The following DNAH6 variants were observed in gnomAD, a reference collection of about 807,000 sequenced individuals.
The protein encoded by DNAH6 is axonemal beta dynein heavy chain 6.
DNAH6 carries 340 observed loss-of-function variants against 491.4 expected under a neutral mutation model. That is an observed-to-expected ratio of 0.69 (90% CI 0.63 to 0.76). DNAH6 has a LOEUF of 0.76. DNAH6 is among the 30% of genes least tolerant of loss of function. DNAH6 has a pLI of 0.00. For missense variants in DNAH6, 4,443 were observed against 4,972.2 expected, an observed-to-expected ratio of 0.89 and a Z score of 3.20; for synonymous variants, 1,603 against 1,686.1, an observed-to-expected ratio of 0.95 and a Z score of 1.21.
Position 84,808,479 on chromosome 2 carries a change from C to T in DNAH6, c.11676C>T (p.Asn3892=), listed in dbSNP as rs2105326817. ...TCAAGGATCTTCAAGGACGTCTGAA[C>T]TCCTTGACCACCGTTCTTGGACAGG... ...LFVKDLQGRL[N]SLTTVLGQEV... Residue 3892 remains asparagine (N), a synonymous_variant, in exon 72 of 77, where the codon AAC becomes AAT. Transcript: ENST00000389394. 1 of 1,550,870 alleles carries T rather than the reference C, an allele frequency of 6.4e-7. No homozygotes were observed. The highest frequency in any genetic ancestry group is 8.7e-7 in the Non-Finnish European group (1 of 1,146,652).
Position 84,611,734 on chromosome 2 carries a change from G to A in DNAH6, c.3355G>A (p.Asp1119Asn). 6.4e-7 allele frequency: 1 copy of A among 1,551,172 alleles called. No individual in the cohort carries two copies. The highest frequency in any genetic ancestry group is 2.4e-5 in the East Asian group (1 of 40,912). The change falls in exon 22 of 77, where the codon GAC becomes AAC. Residue 1119 changes from aspartate to asparagine, a missense_variant. By Grantham distance (23) the Asp-to-Asn change is conservative. Around this residue, in one of 3 missense-constraint regions of DNAH6, gnomAD observed 2,977 missense variants for 3,296.6 expected, o/e 0.90. Coordinates refer to ENST00000389394, the MANE Select transcript of DNAH6 (RefSeq NM_001370.2). ...LYLESIFNAP[D>N]IQRQLPAEAK... ...CCTAGAAAGTATTTTCAATGCTCCA[G>A]ACATTCAGAGGCAATTGCCTGCAGA...
At chr2:84,668,979 T>A (rs1286545991) in intron 37 of DNAH6, among the ~76,000 whole-genome samples, 2 of 152,166 alleles carry the variant, frequency 1.3e-5, no homozygotes, top group Non-Finnish European at 2.9e-5. Context: ...TCAGCACTTG[T>A]CCTCAGCATC....
chr2:84,609,851 G>A (rs1276451131), intron 21 of DNAH6, among the ~76,000 whole-genome samples: 1 of 152,102 alleles, frequency 6.6e-6, no homozygotes, highest in Non-Finnish European at 1.5e-5. Flanking sequence ...TGTGAAAAAT[G>A]CAATATCTGC....
intron 2 of DNAH6, among the ~76,000 whole-genome samples, chr2:84,520,461 A>G (rs1292354413): frequency 6.6e-6 from 1 of 152,048 alleles, no homozygotes; most frequent in Non-Finnish European, 1.5e-5. Flanking sequence ...ATATGTACAG[A>G]TTTGTTACAT....
chr2:84,617,413 A>G (rs1189979312), intron 23 of DNAH6, among the ~76,000 whole-genome samples: 1 of 152,080 alleles, frequency 6.6e-6, no homozygotes, highest in East Asian at 1.9e-4. Flanking sequence ...CTATTAAATT[A>G]TCATTATTAT....
rs565862846 is a variant in DNAH6, at chr2:84,676,077, GGATTCCATGTTTGAA to G, written c.6613-922_6613-908del. Among the ~76,000 whole-genome samples the G allele has an allele frequency of 9.0e-3, 1,363 of 152,264 alleles. 11 individuals are homozygous for G. The highest frequency in any genetic ancestry group is 0.017 in the Middle Eastern group (5 of 294). On this transcript the variant is annotated intron_variant, in intron 40 of 76. Coordinates refer to ENST00000389394, the MANE Select transcript of DNAH6 (RefSeq NM_001370.2). Reference sequence around the variant, plus strand: ...ACTCACAATAGCCCAGGCTATTTGTGGATTCCATGTTTGAAGATTCTCATGCTCACAAAATTTATT... The same window carrying G: ...ACTCACAATAGCCCAGGCTATTTGTGGATTCTCATGCTCACAAAATTTATT...
the DNAH6 span, among the ~76,000 whole-genome samples, chr2:84,473,374 T>C: frequency 6.6e-6 from 1 of 152,240 alleles, no homozygotes; most frequent in Non-Finnish European, 1.5e-5. Flanking sequence ...GTGAACGTTT[T>C]AGTCGTATTG....
At chr2:84,785,395 C>G (rs1304230765) in intron 66 of DNAH6, among the ~76,000 whole-genome samples, 2 of 152,240 alleles carry the variant, frequency 1.3e-5, no homozygotes, top group East Asian at 3.8e-4. Flanking sequence ...GGTTCAACCA[C>G]TGTAGGTCTG....
At chr2:84,503,324 C>A in the DNAH6 span, among the ~76,000 whole-genome samples, 1 of 152,116 alleles carries the variant, frequency 6.6e-6, no homozygotes, top group Admixed American at 6.5e-5. Context: ...TTTGTTGTTT[C>A]TAGATATATC....
chr2:84,473,105 A>T, the DNAH6 span, among the ~76,000 whole-genome samples: 3 of 152,148 alleles, frequency 2.0e-5, no homozygotes, highest in African/African-American at 7.2e-5. Context: ...CCCTTTGGAT[A>T]GGGGCTTTTT....
Position 84,819,366 on chromosome 2 carries a change from G to A in DNAH6, c.12435G>A (p.Trp4145Ter). 6.4e-7 allele frequency: 1 copy of A among 1,551,452 alleles called. No homozygotes were observed. Among genetic ancestry groups the A allele is most frequent in the Non-Finnish European group, 8.7e-7 (1 of 1,146,884 alleles). ...CCTCCAAGCGGTCCAAAGACTACTG[G>A]ATTGCCAAGGGATCAGCTTTGCTCT... ...LLPSKRSKDY[W>*]IAKGSALLCQ... Residue 4145 changes from tryptophan to a stop codon, truncating the protein, a stop_gained, in exon 77 of 77, where the codon TGG (tryptophan) becomes TGA (stop). Transcript: ENST00000389394. LOFTEE classifies it high-confidence loss of function.
intron 31 of DNAH6, among the ~76,000 whole-genome samples, chr2:84,639,387 G>A (rs541977213): frequency 2.1e-4 from 31 of 147,118 alleles, no homozygotes; most frequent in Non-Finnish European, 3.3e-4. Flanking sequence ...TATTTTTAGA[G>A]TTTAAATGAA....
At chr2:84,469,659 C>T in the DNAH6 span, among the ~76,000 whole-genome samples, 3 of 152,128 alleles carry the variant, frequency 2.0e-5, no homozygotes, top group Admixed American at 6.5e-5. This position sits in a 1 kb window ranked among gnomAD's most constrained non-coding sequence, Gnocchi z 4.0. Context: ...GGCCGCTTGT[C>T]GGTAACAAAG....
At chr2:84,527,881 A>G (rs1203987451) in intron 3 of DNAH6, among the ~76,000 whole-genome samples, 1 of 152,252 alleles carries the variant, frequency 6.6e-6, no homozygotes. Flanking sequence ...AGCTATGTTA[A>G]TAGGCAATAA....
intron 11 of DNAH6, among the ~76,000 whole-genome samples, chr2:84,558,438 A>G (rs942706604): frequency 6.6e-6 from 1 of 151,838 alleles, no homozygotes; most frequent in Non-Finnish European, 1.5e-5. Flanking sequence ...AAAAAAAAAA[A>G]AGGCATTAAA....
chr2:84,471,924 T>C, the DNAH6 span, among the ~76,000 whole-genome samples: 3 of 152,170 alleles, frequency 2.0e-5, no homozygotes, highest in Admixed American at 1.3e-4. Flanking sequence ...TGGCTCATGA[T>C]AGATCTTCAG....
chr2:84,739,547 T>G (rs1672316464), intron 62 of DNAH6, among the ~76,000 whole-genome samples: 1 of 152,240 alleles, frequency 6.6e-6, no homozygotes. Flanking sequence ...GTTCATTTTT[T>G]AAATTCTTTT....
the DNAH6 span, among the ~76,000 whole-genome samples, chr2:84,483,325 A>G: frequency 1.3e-5 from 2 of 151,938 alleles, no homozygotes; most frequent in African/African-American, 4.8e-5. Context: ...GCATTTGGCA[A>G]CTCCCTGCTT....
rs1420084250 is a variant in DNAH6, at chr2:84,785,626, C to T, written c.10970C>T (p.Pro3657Leu). ...TAAATCCAGGTGACCAATGAGCCTC[C>T]AAAAGGCTTACGTGCAAATATCAGA... ...QNSVKVTNEP[P>L]KGLRANIRRA... Residue 3657 changes from proline to leucine, a missense_variant, in exon 67 of 77, where the codon CCA becomes CTA. Pro to Leu is a moderately conservative substitution (Grantham distance 98). This residue lies in a region of DNAH6 where 1,463 missense variants were observed against 1,656.6 expected (regional missense o/e 0.88). Transcript: ENST00000389394. 3.2e-6 allele frequency: 5 copies of T among 1,539,708 alleles called. No homozygotes were observed. Among genetic ancestry groups the T allele is most frequent in the African/African-American group, 1.4e-5 (1 of 72,204 alleles).
Sources: allele counts gnomAD v4.1 joint callset (sites outside exome capture counted in the v4.1 genomes callset), GRCh38; gene constraint gnomAD v4.1.1; regional missense constraint gnomAD v4.1.1; non-coding constraint Gnocchi (gnomAD v3.1); transcripts MANE v1.5; gene names NCBI Gene and HGNC (gene_info 2026-07-23, HGNC 2026-07-21).